Variants in RSBN1L observed in about 807,000 individuals in gnomAD.
RSBN1L encodes lysine-specific demethylase RSBN1L.
Under a neutral mutation model 67.7 loss-of-function variants are expected in RSBN1L, and 30 were observed. That is an observed-to-expected ratio of 0.44 (90% CI 0.33 to 0.60). The LOEUF (loss-of-function observed/expected upper bound fraction) is 0.60. RSBN1L is among the 20% of genes least tolerant of loss of function. RSBN1L has a pLI of 0.02. For synonymous variants in RSBN1L, 433 were observed against 387.0 expected, an observed-to-expected ratio of 1.12 and a Z score of -1.39; for missense variants, 992 against 1,031.7, an observed-to-expected ratio of 0.96 and a Z score of 0.53.
At chr7:77,765,024 A>G (rs1791743589) in intron 3 of RSBN1L, among the ~76,000 whole-genome samples, 1 of 152,232 alleles carries the variant, frequency 6.6e-6, no homozygotes, top group East Asian at 1.9e-4. Context: ...AAAGAAGAGC[A>G]TCCCTGGTGG....
At chr7:77,707,199 T>C (rs1463987438) in intron 1 of RSBN1L, among the ~76,000 whole-genome samples, 1 of 152,090 alleles carries the variant, frequency 6.6e-6, no homozygotes. Context: ...AATTTTTGTA[T>C]TTTTAGTAGA....
chr7:77,707,606 T>C (rs1378307765), intron 1 of RSBN1L, among the ~76,000 whole-genome samples: 1 of 152,162 alleles, frequency 6.6e-6, no homozygotes, highest in South Asian at 2.1e-4. Context: ...GGGATAATAT[T>C]CTGGTTGAAT....
intron 1 of RSBN1L, among the ~76,000 whole-genome samples, chr7:77,718,482 G>C (rs964079344): frequency 6.6e-6 from 1 of 151,904 alleles, no homozygotes; most frequent in Non-Finnish European, 1.5e-5. Flanking sequence ...ATAGAGATGA[G>C]GTTTTATCAT....
At chr7:77,769,920 T>G (rs1791823076) in intron 5 of RSBN1L, among the ~76,000 whole-genome samples, 1 of 152,164 alleles carries the variant, frequency 6.6e-6, no homozygotes, top group Non-Finnish European at 1.5e-5. Flanking sequence ...ATCATAAAAT[T>G]TAACATAAAA....
chr7:77,708,134 A>G (rs1790919387), intron 1 of RSBN1L, among the ~76,000 whole-genome samples: 1 of 152,198 alleles, frequency 6.6e-6, no homozygotes, highest in Non-Finnish European at 1.5e-5. Context: ...TGAGACTACC[A>G]AATGAATGAA....
chr7:77,749,814 A>T lies in RSBN1L; in HGVS notation c.1094A>T (p.Tyr365Phe). 6.2e-7 allele frequency: 1 copy of T among 1,614,200 alleles called. No individual in the cohort carries two copies. The highest frequency in any genetic ancestry group is 8.5e-7 in the Non-Finnish European group (1 of 1,180,030). Residue 365 changes from tyrosine (Y) to phenylalanine (F), a missense_variant, in exon 3 of 8, where the codon TAC becomes TTC. Around this residue, in one of 7 missense-constraint regions of RSBN1L, gnomAD observed 575 missense variants for 483.2 expected, o/e 1.19. Coordinates refer to ENST00000334955, the MANE Select transcript of RSBN1L (RefSeq NM_198467.3). The stretch of plus-strand genomic sequence containing the variant: ...GGAGGTGCATCGGTTATCCATGCCT[A>T]CAGTAACGAACTCTCCCACCTGTCT... ...PNGGASVIHA[Y>F]SNELSHLSPM... is the part of the protein sequence containing the mutation.
At chr7:77,726,384 ATTGT>A (rs1001480510) in intron 1 of RSBN1L, among the ~76,000 whole-genome samples, 2 of 151,882 alleles carry the variant, frequency 1.3e-5, no homozygotes, top group African/African-American at 4.8e-5. Flanking sequence ...AATGACCTTG[ATTGT>A]TTGAGGTGTA....
chr7:77,696,860 C>A lies in RSBN1L; in HGVS notation c.391C>A (p.Pro131Thr). The A allele has an allele frequency of 6.2e-7, 1 of 1,612,096 alleles. No homozygotes were observed. The highest frequency in any genetic ancestry group is 8.5e-7 in the Non-Finnish European group (1 of 1,179,892). The change falls in exon 1 of 8, where the codon CCT (proline) becomes ACT (threonine). Residue 131 changes from proline (P) to threonine (T), a missense_variant. Coordinates refer to ENST00000334955, the MANE Select transcript of RSBN1L (RefSeq NM_198467.3). ...GCCGGTGCCGCGCAAACTGCTGGTC[C>A]CTCCTACGCTGCTGCACGCTCAGCC... The part of the protein sequence containing the change: ...SQPVPRKLLV[P>T]PTLLHAQPHH...
At chr7:77,724,127 A>G (rs1278035385) in intron 1 of RSBN1L, among the ~76,000 whole-genome samples, 3 of 152,066 alleles carry the variant, frequency 2.0e-5, no homozygotes, top group Non-Finnish European at 2.9e-5. Context: ...TTGATTAACT[A>G]TAGCATAACA....
intron 1 of RSBN1L, among the ~76,000 whole-genome samples, chr7:77,704,704 G>A (rs768926758): frequency 1.4e-4 from 22 of 151,970 alleles, no homozygotes; most frequent in African/African-American, 4.6e-4. Flanking sequence ...GTGGCCAGGC[G>A]TGGTGGCTCA....
At chr7:77,733,394 C>T (rs1199291046) in intron 1 of RSBN1L, among the ~76,000 whole-genome samples, 1 of 152,160 alleles carries the variant, frequency 6.6e-6, no homozygotes, top group Non-Finnish European at 1.5e-5. Context: ...CCTGTCTTGG[C>T]TTTGCCATTG....
intron 3 of RSBN1L, among the ~76,000 whole-genome samples, chr7:77,758,971 C>A (rs1236835626): frequency 6.6e-6 from 1 of 152,138 alleles, no homozygotes; most frequent in African/African-American, 2.4e-5. Context: ...AACTCTAAAT[C>A]TTATTTTTAT....
At position 77,781,473 on chromosome 7, in the gene RSBN1L, T is replaced by G. The variant is rs1319546566; in HGVS notation, c.*2305T>G. The G allele has an allele frequency of 1.3e-5, 2 of 152,054 alleles. No individual in the cohort carries two copies. The highest frequency in any genetic ancestry group is 2.9e-5 in the Non-Finnish European group (2 of 68,016). 9.4% of individuals were successfully genotyped at this position (152,054 alleles called of 1,614,324 possible). A position where few individuals can be genotyped will look rare whatever the true frequency, so the allele number is the denominator to read the frequency against. The stretch of plus-strand genomic sequence containing the variant: ...TGAAGAATGATATATTTAACAAGAG[T>G]TGTGTTTTATTTCCAGTTTTCCAGT... On this transcript the variant is annotated 3_prime_UTR_variant, in exon 8 of 8. Transcript: ENST00000334955.
intron 1 of RSBN1L, among the ~76,000 whole-genome samples, chr7:77,713,314 A>T (rs947135729): frequency 6.6e-6 from 1 of 151,078 alleles, no homozygotes; most frequent in East Asian, 1.9e-4. Flanking sequence ...ATGTACTCAA[A>T]TTCATCAGTA....
chr7:77,741,187 A>G lies in RSBN1L; in HGVS notation c.703+4661A>G, dbSNP rs555345896. On this transcript the variant is annotated intron_variant, in intron 2 of 7. Transcript: ENST00000334955. ...TTTGTAGTAGAGATGGGGTTTTACC[A>G]TGTTGGCCAGGCTGGTCTCGAACTC... Among the ~76,000 whole-genome samples, 129 of 151,096 alleles carry G rather than the reference A, an allele frequency of 8.5e-4. 1 individual carries two copies. Among genetic ancestry groups the G allele is most frequent in the Admixed American group, 1.4e-3 (22 of 15,202 alleles).
At chr7:77,738,272 T>G (rs1347196463) in intron 2 of RSBN1L, among the ~76,000 whole-genome samples, 1 of 152,074 alleles carries the variant, frequency 6.6e-6, no homozygotes, top group Non-Finnish European at 1.5e-5. Flanking sequence ...CACATGAAAA[T>G]AAAATTTAAA....
In RSBN1L at chr7:77,767,115, G is replaced by A. The variant is rs564622357; in HGVS notation, c.1482+1483G>A. On this transcript the variant is annotated intron_variant, in intron 4 of 7. Coordinates refer to ENST00000334955, the MANE Select transcript of RSBN1L (RefSeq NM_198467.3). ...CTTTCCCTTTCCCTTCCTTTCTTTC[G>A]ATGGGGTCCTGCTATGTTGCCCAGG... Among the ~76,000 whole-genome samples, 348 of 122,274 alleles carry A rather than the reference G, an allele frequency of 2.8e-3. 3 individuals are homozygous for A. Among genetic ancestry groups the A allele is most frequent in the Middle Eastern group, 0.019 (3 of 162 alleles). 80.2% of individuals were successfully genotyped at this position (122,274 alleles called of 152,430 possible).
intron 5 of RSBN1L, 65 bp downstream of exon 5, chr7:77,768,868 T>C: frequency 6.9e-7 from 1 of 1,439,690 alleles, no homozygotes; most frequent in Non-Finnish European, 9.6e-7. Context: ...TGTATGTTAG[T>C]TGAAAATTGG....
At chr7:77,730,089 G>A (rs928613354) in intron 1 of RSBN1L, among the ~76,000 whole-genome samples, 1 of 151,824 alleles carries the variant, frequency 6.6e-6, no homozygotes, top group Non-Finnish European at 1.5e-5. Flanking sequence ...TTTCTTTTTT[G>A]TTCTGGGTTG....
Sources: gnomAD v4.1 joint callset for allele counts (sites outside exome capture counted in the v4.1 genomes callset) on GRCh38, gnomAD v4.1.1 for gene constraint, gnomAD v4.1.1 regional missense constraint, MANE v1.5 for transcripts, NCBI Gene and HGNC (gene_info 2026-07-23, HGNC 2026-07-21) for gene names.